Variants in NLGN4X observed in about 807,000 individuals in gnomAD.
NLGN4X encodes the protein neuroligin-4, X-linked.
NLGN4X carries 3 observed loss-of-function variants against 40.3 expected under a neutral mutation model. That is an observed-to-expected ratio of 0.07 (90% CI 0.03 to 0.19). The LOEUF (loss-of-function observed/expected upper bound fraction) is 0.19. Among genes scored for constraint, NLGN4X ranks in the 10% least tolerant of loss-of-function variants. The pLI, the probability that NLGN4X is intolerant of heterozygous loss-of-function variation, is 1.00. For synonymous variants in NLGN4X, 270 were observed against 306.8 expected (o/e 0.88, Z 1.25); for missense variants, 382 against 708.3 (o/e 0.54, Z 5.23).
intron 1 of NLGN4X, among the ~76,000 whole-genome samples, chrX:6,221,965 AC>A (rs1284701078): frequency 8.9e-6 from 1 of 111,974 alleles, no homozygotes; most frequent in Non-Finnish European, 1.9e-5. Flanking sequence ...TCTGCACTTT[AC>A]AAAAACAAAC....
chrX:6,002,908 T>C (rs906621689), intron 3 of NLGN4X, among the ~76,000 whole-genome samples: 2 of 111,729 alleles, frequency 1.8e-5, no homozygotes, highest in Non-Finnish European at 3.8e-5. Context: ...TTGGAGAAGA[T>C]TCTGGCCGGG....
At chrX:6,010,933 A>G (rs1045496180) in intron 3 of NLGN4X, among the ~76,000 whole-genome samples, 1 of 111,816 alleles carries the variant, frequency 8.9e-6, no homozygotes, top group Non-Finnish European at 1.9e-5. Flanking sequence ...CTTCAAATAA[A>G]TGAGCTCAGG....
At chrX:5,940,454 C>T (rs1163101363) in intron 3 of NLGN4X, among the ~76,000 whole-genome samples, 4 of 110,963 alleles carry the variant, frequency 3.6e-5, no homozygotes, top group African/African-American at 6.6e-5. Context: ...AATTTTGCTG[C>T]CTTGAGTAAA....
chrX:6,024,657 G>A (rs1001686827), intron 3 of NLGN4X, among the ~76,000 whole-genome samples: 2 of 110,879 alleles, frequency 1.8e-5, no homozygotes, highest in Non-Finnish European at 3.8e-5. Context: ...CTCATTATAC[G>A]CTAATTATAC....
At chrX:6,104,825 C>T (rs1373498507) in intron 2 of NLGN4X, among the ~76,000 whole-genome samples, 1 of 110,812 alleles carries the variant, frequency 9.0e-6, no homozygotes, top group Non-Finnish European at 1.9e-5. Context: ...GTCAGGAGCA[C>T]GGACAATGTA....
intron 3 of NLGN4X, among the ~76,000 whole-genome samples, chrX:6,006,422 T>C (rs2036103048): frequency 9.0e-6 from 1 of 110,714 alleles, no homozygotes; most frequent in Non-Finnish European, 1.9e-5. Flanking sequence ...GTAAATATCA[T>C]CCACTAATAG....
intron 2 of NLGN4X, among the ~76,000 whole-genome samples, chrX:6,073,472 A>G: frequency 8.9e-6 from 1 of 112,560 alleles, no homozygotes; most frequent in South Asian, 3.7e-4. Flanking sequence ...ATAGAGGGCC[A>G]AAGCCATCCT....
At chrX:5,964,075 A>T (rs1302812661) in intron 3 of NLGN4X, among the ~76,000 whole-genome samples, 4 of 111,945 alleles carry the variant, frequency 3.6e-5, no homozygotes, top group Non-Finnish European at 7.5e-5. Flanking sequence ...CAGTGTATTT[A>T]AGTTAGGTCT....
chrX:5,968,597 G>A (rs2034916234), intron 3 of NLGN4X, among the ~76,000 whole-genome samples: 1 of 102,637 alleles, frequency 9.7e-6, no homozygotes, highest in Non-Finnish European at 2.0e-5. Context: ...GAATCATGGT[G>A]GTCCCTAAAC....
chrX:5,988,948 T>C (rs1214707133), intron 3 of NLGN4X, among the ~76,000 whole-genome samples: 1 of 110,342 alleles, frequency 9.1e-6, no homozygotes, highest in African/African-American at 3.3e-5. Context: ...CGTGCCTGTA[T>C]TTCTGGCTAC....
At chrX:6,188,862 A>AT (rs773395387) in intron 1 of NLGN4X, among the ~76,000 whole-genome samples, 2 of 112,542 alleles carry the variant, frequency 1.8e-5, no homozygotes, top group East Asian at 5.6e-4. Context: ...CCAGATTATC[A>AT]TGAAAATCCA....
chrX:6,106,259 A>G (rs751965541), intron 2 of NLGN4X, among the ~76,000 whole-genome samples: 26 of 111,336 alleles, frequency 2.3e-4, no homozygotes, highest in Non-Finnish European at 4.1e-4. Flanking sequence ...TAGATAAGGG[A>G]CTCTGGATCT....
intron 2 of NLGN4X, among the ~76,000 whole-genome samples, chrX:6,092,988 G>A (rs1448721688): frequency 9.1e-6 from 1 of 110,332 alleles, no homozygotes; most frequent in African/African-American, 3.3e-5. Context: ...TGATCCCTAA[G>A]ATCTTCAAAT....
intron 2 of NLGN4X, among the ~76,000 whole-genome samples, chrX:6,032,498 T>C (rs1203326081): frequency 9.1e-6 from 1 of 109,796 alleles, no homozygotes; most frequent in Non-Finnish European, 1.9e-5. Flanking sequence ...AGTGATTTGT[T>C]TCCTGTACAT....
At chrX:6,132,109 T>C (rs2039692432) in intron 2 of NLGN4X, among the ~76,000 whole-genome samples, 4 of 111,871 alleles carry the variant, frequency 3.6e-5, no homozygotes, top group African/African-American at 9.8e-5. Flanking sequence ...ACCACTGATA[T>C]ACACTAGGAA....
At chrX:6,077,887 A>C (rs913320749) in intron 2 of NLGN4X, among the ~76,000 whole-genome samples, 4 of 111,832 alleles carry the variant, frequency 3.6e-5, no homozygotes, top group African/African-American at 1.3e-4. Flanking sequence ...TGTTCCTTCT[A>C]CTTCATCCCC....
intron 3 of NLGN4X, among the ~76,000 whole-genome samples, chrX:5,962,148 G>C (rs141126753): frequency 0.013 from 1,468 of 112,307 alleles, 15 homozygotes; most frequent in Middle Eastern, 0.023. Flanking sequence ...ATCCATATTA[G>C]CTAGTAAAAA....
At chrX:6,093,434 C>A (rs1478425227) in intron 2 of NLGN4X, among the ~76,000 whole-genome samples, 1 of 111,676 alleles carries the variant, frequency 9.0e-6, no homozygotes, top group African/African-American at 3.2e-5. Flanking sequence ...CAACTGCAAG[C>A]TTTTCTTGAA....
rs758019203 is a variant in NLGN4X at position 6,116,290 on chromosome X, CAAAAAAAAAAAAAA to C, written c.472+34691_472+34704del. Among the ~76,000 whole-genome samples, 7 of 16,165 alleles carry C rather than the reference CAAAAAAAAAAAAAA, an allele frequency of 4.3e-4. 1 individual carries two copies. The Admixed American group carries it at 4.4e-3, about 10-fold the overall frequency. The allele number at this position is 16,165 out of a possible 115,157, so 14.0% of individuals were successfully genotyped here. On this transcript the variant is annotated intron_variant, in intron 2 of 5. Coordinates refer to ENST00000381095, the MANE Select transcript of NLGN4X (RefSeq NM_181332.3). ...CCTGGGCGACAGACCGAGACTCTGT[CAAAAAAAAAAAAAA>C]AAAAAAAAAAAAACACTGTGAAAGA...
Sources: gnomAD v4.1 joint callset for allele counts (sites outside exome capture counted in the v4.1 genomes callset) on GRCh38, gnomAD v4.1.1 for gene constraint, MANE v1.5 for transcripts, NCBI Gene and HGNC (gene_info 2026-07-23, HGNC 2026-07-21) for gene names.